PFAS: variants seen among roughly 807,000 people sequenced by gnomAD.
The protein encoded by PFAS is FGAM synthase.
A neutral mutation model predicts 140.6 loss-of-function variants in PFAS; 97 were observed. The observed-to-expected ratio is 0.69, with a 90% CI of 0.59 to 0.82. The LOEUF (loss-of-function observed/expected upper bound fraction) is 0.82. PFAS is among the 40% of genes least tolerant of loss of function. The pLI is 0.00. For synonymous variants in PFAS, 679 were observed against 718.8 expected (o/e 0.94, Z 0.88); for missense variants, 1,656 against 1,780.2 (o/e 0.93, Z 1.26).
In PFAS at chr17:8,256,912, C is replaced by T. The variant is rs774871424; in HGVS notation, c.1024C>T (p.His342Tyr). ...TGTCCAGTGCACAGGCCGCGGGGCCCACGTGGTGGCTGGCACTGCCGGCTA... is the reference window on the plus strand; with the variant it reads ...TGTCCAGTGCACAGGCCGCGGGGCCTACGTGGTGGCTGGCACTGCCGGCTA... ...RDVQCTGRGA[H>Y]VVAGTAGYCF... The change falls in exon 9 of 28, where the codon CAC becomes TAC. Residue 342 changes from histidine to tyrosine, a missense_variant. Transcript: ENST00000314666. 6.2e-7 allele frequency: 1 copy of T among 1,614,180 alleles called. No homozygotes were observed. Among genetic ancestry groups the T allele is most frequent in the Admixed American group, 1.7e-5 (1 of 60,020 alleles).
chr17:8,263,072 GTCTCGCT>G (rs1989659440), intron 12 of PFAS, 30 bp from the exon 13 acceptor site: 3 of 1,612,826 alleles, frequency 1.9e-6, no homozygotes, highest in African/African-American at 1.3e-5. Context: ...GGAGCTTCCA[GTCTCGCT>G]GAGCTGAGCT....
At chr17:8,268,919 C>T in intron 27 of PFAS, 35 bp from the exon 28 acceptor site, 2 of 1,613,016 alleles carry the variant, frequency 1.2e-6, no homozygotes, top group Non-Finnish European at 1.7e-6. Flanking sequence ...GCATGAAGGA[C>T]CTTGGCTCTC....
intron 3 of PFAS, among the ~76,000 whole-genome samples, chr17:8,254,697 G>C (rs1052781651): frequency 6.7e-6 from 1 of 149,234 alleles, no homozygotes; most frequent in Non-Finnish European, 1.5e-5. Context: ...CCAGCTACTA[G>C]GCAGGCTGAG....
Position 8,256,448 on chromosome 17 carries a change from G to C in PFAS, c.821+41G>C, listed in dbSNP as rs531200591. 4.3e-6 allele frequency: 7 copies of C among 1,613,754 alleles called. No individual in the cohort carries two copies. The Admixed American group carries it at 1.2e-4, about 27-fold the overall frequency. ...CTGGGTTGGCGTCAGGACCCGGGGA[G>C]GGGAGGCCCCAGGCCCTGGTTGGGT... On this transcript the variant is annotated intron_variant, in intron 7 of 27. Transcript: ENST00000314666.
intron 13 of PFAS, 69 bp from the exon 14 acceptor site, chr17:8,263,506 G>A (rs1293133037): frequency 2.9e-6 from 4 of 1,356,782 alleles, no homozygotes; most frequent in Non-Finnish European, 4.2e-6. Flanking sequence ...CCCCTTTGGA[G>A]GCCAGGGACT....
In PFAS at chr17:8,267,742, G is replaced by A. The variant is rs1351774270; in HGVS notation, c.3382+77G>A. Reference sequence around the variant, plus strand: ...GCCTTTAGCCCCATCTTCCTGGGCTGGGGATTGGCCTCTCACTCCACCGAG... The same window carrying A: ...GCCTTTAGCCCCATCTTCCTGGGCTAGGGATTGGCCTCTCACTCCACCGAG... On this transcript the variant is annotated intron_variant, in intron 26 of 27. Coordinates refer to ENST00000314666, the MANE Select transcript of PFAS (RefSeq NM_012393.3). The surrounding 1 kb of genome is among the most constrained non-coding windows in gnomAD (Gnocchi z 4.9). 1 of 807,368 alleles carries A rather than the reference G, an allele frequency of 1.2e-6. No homozygotes were observed. The highest frequency in any genetic ancestry group is 2.0e-6 in the Non-Finnish European group (1 of 492,492). 50.0% of individuals were successfully genotyped at this position (807,368 alleles called of 1,614,324 possible).
chr17:8,251,129 TA>T (rs1989133450), intron 1 of PFAS, among the ~76,000 whole-genome samples: 1 of 152,010 alleles, frequency 6.6e-6, no homozygotes, highest in African/African-American at 2.4e-5. Context: ...CTACTAAAAA[TA>T]CAAAAATTAG....
intron 18 of PFAS, 64 bp downstream of exon 18, chr17:8,265,189 G>C (rs1989761528): frequency 6.4e-7 from 1 of 1,564,686 alleles, no homozygotes; most frequent in African/African-American, 1.4e-5. Flanking sequence ...ACATCCATCT[G>C]TAGCCCTTCA....
At chr17:8,250,964 T>G (rs913338152) in intron 1 of PFAS, among the ~76,000 whole-genome samples, 3 of 101,446 alleles carry the variant, frequency 3.0e-5, no homozygotes, top group African/African-American at 8.7e-5. Flanking sequence ...ACTGTGGGAG[T>G]CTTTTTTTTT....
chr17:8,248,948 CG>C (rs1018152808), upstream of PFAS, among the ~76,000 whole-genome samples: 1 of 152,190 alleles, frequency 6.6e-6, no homozygotes, highest in African/African-American at 2.4e-5. Context: ...AAACACAGCC[CG>C]CCTGGTGGAT....
At chr17:8,251,306 G>A (rs1989141762) in intron 1 of PFAS, among the ~76,000 whole-genome samples, 3 of 152,084 alleles carry the variant, frequency 2.0e-5, no homozygotes, top group Admixed American at 1.3e-4. Flanking sequence ...AAGAAAGACG[G>A]GGTCTTGCTC....
In PFAS at chr17:8,256,837, G is replaced by T. The variant is rs1567637575; in HGVS notation, c.949G>T (p.Val317Leu). The T allele has an allele frequency of 6.2e-7, 1 of 1,601,864 alleles. No individual in the cohort carries two copies. The change falls in exon 9 of 28, where the codon GTA becomes TTA. Residue 317 changes from valine to leucine, a missense_variant and splice_region_variant. Physicochemically the swap from Val to Leu is conservative, Grantham distance 32. Around this residue, in one of 2 missense-constraint regions of PFAS, gnomAD observed 773 missense variants for 757.3 expected, o/e 1.02. Coordinates refer to ENST00000314666, the MANE Select transcript of PFAS (RefSeq NM_012393.3). ...TAETHNFPTG[V>L]CPFSGATTGT... The stretch of plus-strand genomic sequence containing the variant: ...CTCTCCCCACTCTCTCTTTGCAGGA[G>T]TATGCCCCTTTAGTGGTGCAACCAC...
intron 13 of PFAS, 92 bp from the exon 14 acceptor site, chr17:8,263,483 A>T: frequency 8.4e-7 from 1 of 1,186,274 alleles, no homozygotes; most frequent in Admixed American, 1.7e-5. Flanking sequence ...ACAGGAACAC[A>T]CCAAATTACA....
In PFAS at chr17:8,269,186, A is replaced by G. The variant is rs1366336503; in HGVS notation, c.3939A>G (p.Pro1313=). The G allele has an allele frequency of 3.7e-6, 6 of 1,613,530 alleles. No individual in the cohort carries two copies. The highest frequency in any genetic ancestry group is 4.2e-6 in the Non-Finnish European group (5 of 1,179,980). The change falls in exon 28 of 28, where the codon CCA becomes CCG. Residue 1313 remains proline (P), a synonymous_variant. Transcript: ENST00000314666. ...RPWQWAWRPP[P]FDTLTTSPWL... is the part of the protein sequence containing the mutation. ...GGCAGTGGGCATGGCGACCCCCTCCATTTGATACTCTGACCACCTCCCCCT... is the reference window on the plus strand; with the variant it reads ...GGCAGTGGGCATGGCGACCCCCTCCGTTTGATACTCTGACCACCTCCCCCT...
Position 8,264,884 on chromosome 17 carries a change from T to C in PFAS, c.2050-11T>C. The C allele has an allele frequency of 6.5e-7, 1 of 1,540,154 alleles. No homozygotes were observed. Among genetic ancestry groups the C allele is most frequent in the Non-Finnish European group, 8.8e-7 (1 of 1,134,202 alleles). On this transcript the variant is annotated splice_polypyrimidine_tract_variant and intron_variant, in intron 17 of 27. Coordinates refer to ENST00000314666, the MANE Select transcript of PFAS (RefSeq NM_012393.3). ...CCCTTGCTCTCTTGCTAACCCCACCTGGTTCCACAGGTGGACCGCTCTGTG... is the reference window on the plus strand; with the variant it reads ...CCCTTGCTCTCTTGCTAACCCCACCCGGTTCCACAGGTGGACCGCTCTGTG...
chr17:8,248,001 C>G (rs1365352769), upstream of PFAS: 1 of 1,610,066 alleles, frequency 6.2e-7, no homozygotes, highest in African/African-American at 1.3e-5. Context: ...TAGCAGCACT[C>G]ACGGAGGAAG....
At position 8,254,095 on chromosome 17, in the gene PFAS, T is replaced by C. The variant is rs777592177; in HGVS notation, c.142+16T>C. Reference sequence around the variant, plus strand: ...AACTGGACAGGTTGGGCCCAGGTATTAGATTCTTGGGGGACATGCCTCGGT... The same window carrying C: ...AACTGGACAGGTTGGGCCCAGGTATCAGATTCTTGGGGGACATGCCTCGGT... On this transcript the variant is annotated intron_variant, in intron 2 of 27. Transcript: ENST00000314666. 1 of 1,613,514 alleles carries C rather than the reference T, an allele frequency of 6.2e-7. No homozygotes were observed. The highest frequency in any genetic ancestry group is 1.1e-5 in the South Asian group (1 of 91,058).
At position 8,269,194 on chromosome 17, in the gene PFAS, C is replaced by T; in HGVS notation, c.3947C>T (p.Thr1316Ile). 6.2e-7 allele frequency: 1 copy of T among 1,613,638 alleles called. No individual in the cohort carries two copies. The highest frequency in any genetic ancestry group is 8.5e-7 in the Non-Finnish European group (1 of 1,179,912). The change falls in exon 28 of 28, where the codon ACT becomes ATT. Residue 1316 changes from threonine to isoleucine, a missense_variant. This residue lies in a region of PFAS where 883 missense variants were observed against 1,023.0 expected (regional missense o/e 0.86). Transcript: ENST00000314666. ...GCATGGCGACCCCCTCCATTTGATA[C>T]TCTGACCACCTCCCCCTGGCTCCAG... ...QWAWRPPPFD[T>I]LTTSPWLQLF...
rs1459882277 is a variant in PFAS at position 8,249,351 on chromosome 17, T to C, written c.-80+12T>C. 6.6e-6 allele frequency: 1 copy of C among 152,252 alleles called. No individual in the cohort carries two copies. Among genetic ancestry groups the C allele is most frequent in the Non-Finnish European group, 1.5e-5 (1 of 68,046 alleles). The allele number at this position is 152,252 out of a possible 1,614,324, so 9.4% of individuals were successfully genotyped here. On this transcript the variant is annotated intron_variant, in intron 1 of 27. Transcript: ENST00000314666. ...AGTGCATCTTCCACGTGAGTATAGTTACCGCGTGCGGACCTGGATCCTCCT... is the reference window on the plus strand; with the variant it reads ...AGTGCATCTTCCACGTGAGTATAGTCACCGCGTGCGGACCTGGATCCTCCT...
Sources: allele counts gnomAD v4.1 joint callset (sites outside exome capture counted in the v4.1 genomes callset), GRCh38; gene constraint gnomAD v4.1.1; regional missense constraint gnomAD v4.1.1; non-coding constraint Gnocchi (gnomAD v3.1); transcripts MANE v1.5; gene names NCBI Gene and HGNC (gene_info 2026-07-23, HGNC 2026-07-21).